NPRL3: variants seen among roughly 807,000 people sequenced by gnomAD.
The protein encoded by NPRL3 is NPR3 like, GATOR1 complex subunit.
In NPRL3, 23 loss-of-function variants were observed where a neutral mutation model predicts 57.2. That is an observed-to-expected ratio of 0.40 (90% CI 0.29 to 0.57). The LOEUF is 0.57. Ranked by LOEUF, NPRL3 falls within the 20% of genes least tolerant of loss-of-function variation. The pLI is 0.42. For synonymous variants in NPRL3, 333 were observed against 321.1 expected (o/e 1.04, Z -0.39); for missense variants, 691 against 767.1 (o/e 0.90, Z 1.17).
chr16:116,799 C>CCG (rs1555443766), intron 5 of NPRL3, among the ~76,000 whole-genome samples: 7 of 145,214 alleles, frequency 4.8e-5, no homozygotes, highest in Admixed American at 4.1e-4. Context: ...CCCCCCCCCC[C>CCG]ACCGATCTCT....
intron 7 of NPRL3, among the ~76,000 whole-genome samples, chr16:103,755 G>A (rs544758570): frequency 1.3e-5 from 2 of 152,256 alleles, no homozygotes; most frequent in East Asian, 1.9e-4. Context: ...GAGGCAGGCC[G>A]ATCACTTGAG....
chr16:91,588 G>A (rs1011593986), intron 11 of NPRL3, among the ~76,000 whole-genome samples: 1 of 152,180 alleles, frequency 6.6e-6, no homozygotes, highest in African/African-American at 2.4e-5. Context: ...TGCAGAGAGT[G>A]CCTTTTATTC....
At chr16:128,567 G>A (rs1900647945) in intron 3 of NPRL3, among the ~76,000 whole-genome samples, 1 of 152,192 alleles carries the variant, frequency 6.6e-6, no homozygotes, top group Non-Finnish European at 1.5e-5. Flanking sequence ...AGGAGATCGA[G>A]ACCGTCCTGG....
At chr16:93,496 T>C (rs796719381) in intron 9 of NPRL3, among the ~76,000 whole-genome samples, 171 bp from the exon 10 acceptor site, 15 of 151,508 alleles carry the variant, frequency 9.9e-5, no homozygotes, top group African/African-American at 3.6e-4. Context: ...TAACGTGGAA[T>C]AGCACCTTCG....
Position 85,671 on chromosome 16 carries a change from T to G in NPRL3, c.*1034A>C. ...GTAGTGGCAGCAGCCCGGGTGGGCG[T>G]CGGCCATGCAGGGGAGTGGGCCCGG... On this transcript the variant is annotated 3_prime_UTR_variant, in exon 14 of 14. Transcript: ENST00000611875. 1.3e-6 allele frequency: 2 copies of G among 1,578,634 alleles called. No homozygotes were observed. Among genetic ancestry groups the G allele is most frequent in the Non-Finnish European group, 1.7e-6 (2 of 1,158,594 alleles).
In NPRL3 at chr16:89,603, C is replaced by G. The variant is rs2239297; in HGVS notation, c.1351+110G>C. ...CACGAGGCACGTGCATGTGCGTGTG[C>G]AGCTGTGTGGAGGCCCCTCATCACT... On this transcript the variant is annotated intron_variant, in intron 12 of 13. Coordinates refer to ENST00000611875, the MANE Select transcript of NPRL3 (RefSeq NM_001077350.3). 130,113 of 1,028,068 alleles carry G rather than the reference C, an allele frequency of 0.13. 14,267 individuals are homozygous for G. The highest frequency in any genetic ancestry group is 0.5 in the African/African-American group (29,486 of 59,330). 63.7% of individuals were successfully genotyped at this position (1,028,068 alleles called of 1,614,324 possible). A position where few individuals can be genotyped will look rare whatever the true frequency, so the allele number is the denominator to read the frequency against.
rs545827515 is a variant in NPRL3, at chr16:111,199, A to C, written c.548-593T>G. 1.4e-3 allele frequency among the ~76,000 whole-genome samples: 217 copies of C among 151,994 alleles called. 1 individual carries two copies. Among genetic ancestry groups the C allele is most frequent in the African/African-American group, 5.0e-3 (209 of 41,522 alleles). On this transcript the variant is annotated intron_variant, in intron 6 of 13. Coordinates refer to ENST00000611875, the MANE Select transcript of NPRL3 (RefSeq NM_001077350.3). ...CGGATCACAAGGTCAGGAGATCAAG[A>C]CCATCCTGGCTAACACGGTGAAAAC...
chr16:134,694 A>ATTATTATTATTATTTTTTTTTTT (rs1346965930), intron 2 of NPRL3, among the ~76,000 whole-genome samples: 2 of 103,412 alleles, frequency 1.9e-5, no homozygotes, highest in African/African-American at 6.8e-5. Context: ...AATTATTATT[A>ATTATTATTATTATTTTTTTTTTT]TTTTTTTTTT....
At chr16:101,111 G>C (rs1331611945) in intron 7 of NPRL3, among the ~76,000 whole-genome samples, 1 of 151,816 alleles carries the variant, frequency 6.6e-6, no homozygotes, top group East Asian at 1.9e-4. Context: ...CAGTGCACTA[G>C]AGGCACTCTA....
intron 11 of NPRL3, chr16:91,023 T>G (rs1898740672): frequency 6.6e-6 from 1 of 151,512 alleles, no homozygotes; most frequent in African/African-American, 2.4e-5. Context: ...GAGGTTGCAG[T>G]GAGCCAAGAT....
chr16:93,871 T>C (rs542966720), intron 9 of NPRL3, among the ~76,000 whole-genome samples: 1 of 152,304 alleles, frequency 6.6e-6, no homozygotes, highest in Non-Finnish European at 1.5e-5. Flanking sequence ...ACAATGGCCT[T>C]TTTGTCACTG....
chr16:114,108 C>A (rs887390032), intron 5 of NPRL3, among the ~76,000 whole-genome samples: 2 of 152,160 alleles, frequency 1.3e-5, no homozygotes, highest in Admixed American at 6.5e-5. Context: ...AATACTTCCA[C>A]GAGCAAAGCA....
At chr16:111,988 A>G (rs1442618979) in intron 6 of NPRL3, among the ~76,000 whole-genome samples, 1 of 152,194 alleles carries the variant, frequency 6.6e-6, no homozygotes, top group African/African-American at 2.4e-5. Flanking sequence ...AAAACACTCA[A>G]TGTTCTGTCT....
intron 6 of NPRL3, among the ~76,000 whole-genome samples, chr16:111,063 T>C (rs1220212403): frequency 6.6e-6 from 1 of 152,210 alleles, no homozygotes; most frequent in Non-Finnish European, 1.5e-5. Context: ...ATTATCACAA[T>C]TATAATTAGT....
At chr16:112,309 G>A (rs528987572) in intron 6 of NPRL3, among the ~76,000 whole-genome samples, 171 of 152,338 alleles carry the variant, frequency 1.1e-3, no homozygotes, top group Non-Finnish European at 1.9e-3. Context: ...GAGTCTTCCT[G>A]TGCCCCCCAG....
chr16:128,451 A>G (rs964737188), intron 3 of NPRL3, among the ~76,000 whole-genome samples: 1 of 152,332 alleles, frequency 6.6e-6, no homozygotes, highest in Non-Finnish European at 1.5e-5. Context: ...GGTTTCAGAA[A>G]GAAAAGCACT....
Position 85,436 on chromosome 16 carries a change from C to T in NPRL3, c.*1269G>A. 6.2e-7 allele frequency: 1 copy of T among 1,611,424 alleles called. No homozygotes were observed. The highest frequency in any genetic ancestry group is 8.5e-7 in the Non-Finnish European group (1 of 1,179,080). Reference sequence around the variant, plus strand: ...TTGCGTCTTGCTGCGAGCACTGGAGCCCCTGGAAGGTCTGGAGACCATGCG... The same window carrying T: ...TTGCGTCTTGCTGCGAGCACTGGAGTCCCTGGAAGGTCTGGAGACCATGCG... On this transcript the variant is annotated 3_prime_UTR_variant, in exon 14 of 14. Transcript: ENST00000611875.
chr16:138,161 G>T lies in NPRL3; in HGVS notation c.107C>A (p.Ala36Glu). 6.2e-7 allele frequency: 1 copy of T among 1,603,258 alleles called. No individual in the cohort carries two copies. Among genetic ancestry groups the T allele is most frequent in the Non-Finnish European group, 8.5e-7 (1 of 1,175,396 alleles). ...YPFQRSQEHP[A>E]SQTSKPRSRY... The stretch of plus-strand genomic sequence containing the variant: ...CAGCGCTCACTTACTTGTCTGGGAC[G>T]CCGGGTGCTCCTGGCTTCTCTGGAA... Residue 36 changes from alanine (A) to glutamate (E), a missense_variant, in exon 2 of 14, where the codon GCG (alanine) becomes GAG (glutamate). Coordinates refer to ENST00000611875, the MANE Select transcript of NPRL3 (RefSeq NM_001077350.3).
At chr16:126,964 A>G (rs1900546653) in intron 3 of NPRL3, 1 of 152,216 alleles carries the variant, frequency 6.6e-6, no homozygotes, top group Admixed American at 6.5e-5. Flanking sequence ...TCTGCCTCCC[A>G]GGCTCAAGCA....
Sources: allele counts gnomAD v4.1 joint callset (sites outside exome capture counted in the v4.1 genomes callset), GRCh38; gene constraint gnomAD v4.1.1; transcripts MANE v1.5; gene names NCBI Gene and HGNC (gene_info 2026-07-23, HGNC 2026-07-21).